The following RBFOX1 variants were observed in gnomAD, a reference collection of about 807,000 sequenced individuals.
RBFOX1 encodes the protein RNA binding protein fox-1 homolog 1.
Under a neutral mutation model 57.7 loss-of-function variants are expected in RBFOX1, and 8 were observed. That is an observed-to-expected ratio of 0.14 (90% CI 0.08 to 0.25). The LOEUF is 0.25. Among genes scored for constraint, RBFOX1 ranks in the 10% least tolerant of loss-of-function variants. The pLI is 1.00. For synonymous variants in RBFOX1, 326 were observed against 222.4 expected, an observed-to-expected ratio of 1.47 and a Z score of -4.15; for missense variants, 611 against 548.5, an observed-to-expected ratio of 1.11 and a Z score of -1.14.
intron 3 of RBFOX1, among the ~76,000 whole-genome samples, chr16:5,697,565 G>A (rs1344069470): frequency 5.4e-5 from 7 of 128,590 alleles, no homozygotes; most frequent in South Asian, 2.4e-4. Context: ...ATAGAGTCTC[G>A]CTCTGTCACC....
At chr16:6,076,352 A>T (rs927268520) in intron 1 of RBFOX1, among the ~76,000 whole-genome samples, 1 of 151,586 alleles carries the variant, frequency 6.6e-6, no homozygotes, top group African/African-American at 2.4e-5. Flanking sequence ...ACACATACAC[A>T]CACACACACC....
intron 4 of RBFOX1, among the ~76,000 whole-genome samples, chr16:7,211,741 C>T (rs577884776): frequency 1.6e-4 from 25 of 152,220 alleles, no homozygotes; most frequent in Non-Finnish European, 2.6e-4. Context: ...GGTGGGCATT[C>T]GCCTGAACTA....
intron 1 of RBFOX1, among the ~76,000 whole-genome samples, chr16:6,209,531 A>T (rs969460348): frequency 6.6e-6 from 1 of 152,262 alleles, no homozygotes; most frequent in South Asian, 2.1e-4. Flanking sequence ...CAATTTGCAG[A>T]TAAAGTCAAA....
exon 3 of RBFOX1, chr16:5,599,850 G>A (rs2047307421): frequency 6.6e-6 from 1 of 152,622 alleles, no homozygotes; most frequent in Non-Finnish European, 1.5e-5. Context: ...TAAGTGAAAG[G>A]CTGAGAGTAA....
At chr16:6,264,797 T>A (rs2097723090) in intron 1 of RBFOX1, among the ~76,000 whole-genome samples, 1 of 152,230 alleles carries the variant, frequency 6.6e-6, no homozygotes, top group African/African-American at 2.4e-5. Flanking sequence ...AACTTCTAAC[T>A]ATCTGATTAG....
intron 3 of RBFOX1, among the ~76,000 whole-genome samples, chr16:6,831,193 A>G (rs1603629996): frequency 6.6e-6 from 1 of 152,190 alleles, no homozygotes; most frequent in African/African-American, 2.4e-5. Flanking sequence ...GGAATGAGAG[A>G]GGAGACAACA....
intron 3 of RBFOX1, among the ~76,000 whole-genome samples, chr16:6,986,815 G>A (rs1169027258): frequency 6.6e-6 from 1 of 152,100 alleles, no homozygotes; most frequent in South Asian, 2.1e-4. Flanking sequence ...CTGTAGGGCA[G>A]GTGCCTGTAT....
rs184373111 is a variant in RBFOX1, at chr16:5,683,334, C to T, written c.318+84373C>T. Among the ~76,000 whole-genome samples, 281 of 152,106 alleles carry T rather than the reference C, an allele frequency of 1.8e-3. 4 individuals are homozygous for T. The highest frequency in any genetic ancestry group is 0.014 in the Admixed American group (221 of 15,262). Reference sequence around the variant, plus strand: ...TTTGTAACCTCCCTTAGGTGAGAACCACTGCTTTTGATTGGCTGTTGTGAT... The same window carrying T: ...TTTGTAACCTCCCTTAGGTGAGAACTACTGCTTTTGATTGGCTGTTGTGAT... On this transcript the variant is annotated intron_variant, in intron 3 of 19. Coordinates refer to the RBFOX1 transcript ENST00000641259.
At chr16:5,867,159 T>TGA (rs1188027712) in intron 3 of RBFOX1, 6 of 410,094 alleles carry the variant, frequency 1.5e-5, no homozygotes, top group Non-Finnish European at 8.4e-6. Context: ...CATGTGTGTG[T>TGA]GTGTGTGTGT....
chr16:5,949,543 AAAGAAAAG>A (rs1310941208), intron 4 of RBFOX1, among the ~76,000 whole-genome samples: 1 of 39,808 alleles, frequency 2.5e-5, no homozygotes, highest in Non-Finnish European at 4.5e-5. Flanking sequence ...AAAAAAAAAA[AAAGAAAAG>A]AATACAGGAT....
chr16:5,845,284 C>G (rs756810116), intron 3 of RBFOX1, among the ~76,000 whole-genome samples: 1 of 152,150 alleles, frequency 6.6e-6, no homozygotes, highest in Non-Finnish European at 1.5e-5. Context: ...GTTATCTGTT[C>G]TGAATATTCA....
chr16:7,370,091 C>G (rs1423631084), intron 4 of RBFOX1, among the ~76,000 whole-genome samples: 1 of 152,178 alleles, frequency 6.6e-6, no homozygotes, highest in South Asian at 2.1e-4. Context: ...CCAGAAAATT[C>G]TGTTGTTGAA....
chr16:5,284,365 C>T (rs531520444), intron 1 of RBFOX1, among the ~76,000 whole-genome samples: 2 of 151,984 alleles, frequency 1.3e-5, no homozygotes, highest in Non-Finnish European at 2.9e-5. Context: ...CATTTGAATC[C>T]TTTCTCCTTT....
At chr16:7,238,968 G>C (rs926870413) in intron 4 of RBFOX1, among the ~76,000 whole-genome samples, 1 of 152,130 alleles carries the variant, frequency 6.6e-6, no homozygotes. Flanking sequence ...CAAAGGACAT[G>C]ATCTTGTTCT....
At chr16:5,746,337 T>G (rs866832992) in intron 3 of RBFOX1, among the ~76,000 whole-genome samples, 1 of 152,256 alleles carries the variant, frequency 6.6e-6, no homozygotes, top group Non-Finnish European at 1.5e-5. Flanking sequence ...TTTTGGTTAC[T>G]GTAGCCTTGT....
intron 3 of RBFOX1, among the ~76,000 whole-genome samples, chr16:6,855,684 G>C (rs1028384317): frequency 1.3e-5 from 2 of 151,592 alleles, no homozygotes; most frequent in South Asian, 2.1e-4. Flanking sequence ...TTTAACTCTG[G>C]AGAGTTATCT....
At chr16:6,190,364 A>G (rs1393417569) in intron 1 of RBFOX1, among the ~76,000 whole-genome samples, 2 of 152,200 alleles carry the variant, frequency 1.3e-5, no homozygotes, top group Non-Finnish European at 2.9e-5. Context: ...TATCAACAGA[A>G]TTATGTAGTG....
intron 1 of RBFOX1, chr16:6,059,375 G>A (rs931022680): frequency 1.3e-5 from 2 of 152,112 alleles, no homozygotes; most frequent in Admixed American, 6.5e-5. Context: ...GATTTATATA[G>A]AGATGACCTA....
chr16:7,098,863 C>T (rs1425600108), intron 4 of RBFOX1, among the ~76,000 whole-genome samples: 1 of 152,070 alleles, frequency 6.6e-6, no homozygotes, highest in African/African-American at 2.4e-5. Flanking sequence ...AAATTTGGTC[C>T]TTATCCTATT....
Sources: allele counts gnomAD v4.1 joint callset (sites outside exome capture counted in the v4.1 genomes callset), GRCh38; gene constraint gnomAD v4.1.1; transcripts MANE v1.5; gene names NCBI Gene and HGNC (gene_info 2026-07-23, HGNC 2026-07-21).